UHRF2: variants seen among roughly 807,000 people sequenced by gnomAD.
UHRF2 encodes ubiquitin like with PHD and ring finger domains 2, also known as E3 ubiquitin-protein ligase UHRF2.
Under a neutral mutation model 96.8 loss-of-function variants are expected in UHRF2, and 23 were observed. The observed-to-expected ratio is 0.24, with a 90% confidence interval of 0.17 to 0.34. The LOEUF (loss-of-function observed/expected upper bound fraction) is 0.34, where lower values mean the gene tolerates loss of function less well. Among genes scored for constraint, UHRF2 ranks in the 10% least tolerant of loss-of-function variants. The pLI is 1.00. For missense variants in UHRF2, 685 were observed against 981.5 expected, an observed-to-expected ratio of 0.70 and a Z score of 4.04; for synonymous variants, 385 against 332.6, an observed-to-expected ratio of 1.16 and a Z score of -1.72.
chr9:6,485,630 T>C (rs1824224034), intron 8 of UHRF2, among the ~76,000 whole-genome samples: 1 of 115,376 alleles, frequency 8.7e-6, no homozygotes, highest in African/African-American at 3.3e-5. Flanking sequence ...CGCCCCAAAT[T>C]ATTGTGCAAG....
At chr9:6,496,165 C>T (rs1159883599) in intron 10 of UHRF2, 2 of 151,804 alleles carry the variant, frequency 1.3e-5, no homozygotes, top group African/African-American at 4.8e-5. Context: ...TTTTTTTTAA[C>T]TTGAGCCTGC....
chr9:6,485,445 A>T (rs1824208602), intron 8 of UHRF2, among the ~76,000 whole-genome samples: 1 of 151,952 alleles, frequency 6.6e-6, no homozygotes, highest in East Asian at 1.9e-4. Flanking sequence ...GCTATTTAGA[A>T]AGTGGGGAAG....
At chr9:6,424,243 A>G (rs1430145235) in intron 2 of UHRF2, among the ~76,000 whole-genome samples, 1 of 152,264 alleles carries the variant, frequency 6.6e-6, no homozygotes, top group African/African-American at 2.4e-5. Context: ...CTTCAAAGTT[A>G]ACATTGAGCT....
intron 3 of UHRF2, among the ~76,000 whole-genome samples, chr9:6,456,813 T>C (rs1409369765): frequency 6.6e-6 from 1 of 152,216 alleles, no homozygotes; most frequent in East Asian, 1.9e-4. Context: ...TTCTTGTTTT[T>C]GTCAGGATTG....
intron 9 of UHRF2, 91 bp downstream of exon 9, chr9:6,487,016 T>A (rs1824328948): frequency 8.3e-7 from 1 of 1,206,064 alleles, no homozygotes. Context: ...AATACTGTTG[T>A]GTCTTTTTAG....
intron 4 of UHRF2, among the ~76,000 whole-genome samples, chr9:6,471,110 C>A (rs1209550106): frequency 6.6e-6 from 1 of 152,152 alleles, no homozygotes; most frequent in Admixed American, 6.5e-5. Flanking sequence ...TTCAAATCCC[C>A]TTAAATGTCC....
At chr9:6,420,758 C>G (rs568226527) in intron 1 of UHRF2, among the ~76,000 whole-genome samples, 154 bp from the exon 2 acceptor site, 2 of 151,262 alleles carry the variant, frequency 1.3e-5, no homozygotes. Flanking sequence ...AGAGAAGACA[C>G]TGACATCAGA....
rs549536907 is a variant in UHRF2 at position 6,500,818 on chromosome 9, C to T, written c.2163+109C>T. On this transcript the variant is annotated intron_variant, in intron 14 of 15. Transcript: ENST00000276893. ...TCAGTCAAAACTTCATCCTTCTACCCGGTTTTCTAATCCAGTGCCACTACC... is the reference window on the plus strand; with the variant it reads ...TCAGTCAAAACTTCATCCTTCTACCTGGTTTTCTAATCCAGTGCCACTACC... The T allele has an allele frequency of 1.7e-5, 18 of 1,072,512 alleles. No individual in the cohort carries two copies. In the South Asian group the frequency reaches 1.8e-4, roughly 11 times the overall value. The allele number at this position is 1,072,512 out of a possible 1,614,324, so 66.4% of individuals were successfully genotyped here.
intron 13 of UHRF2, 35 bp downstream of exon 13, chr9:6,499,966 C>A: frequency 6.8e-7 from 1 of 1,480,560 alleles, no homozygotes. Context: ...ATAATAATAA[C>A]ATACTTTTGT....
chr9:6,427,786 A>G (rs1023352880), intron 2 of UHRF2, among the ~76,000 whole-genome samples: 34 of 152,200 alleles, frequency 2.2e-4, no homozygotes, highest in African/African-American at 8.0e-4. Flanking sequence ...ATATTTTCAT[A>G]TGTTATTGCA....
At chr9:6,455,595 G>A (rs1245291459) in intron 3 of UHRF2, among the ~76,000 whole-genome samples, 2 of 152,154 alleles carry the variant, frequency 1.3e-5, no homozygotes, top group Admixed American at 1.3e-4. Flanking sequence ...GCTGCAGTGA[G>A]CATACTTGAG....
At chr9:6,477,601 C>A (rs1202941146) in intron 5 of UHRF2, 21 bp from the exon 6 acceptor site, 3 of 1,574,096 alleles carry the variant, frequency 1.9e-6, no homozygotes, top group Non-Finnish European at 2.6e-6. Flanking sequence ...ACTAGACTTG[C>A]TATAATTTTG....
intron 13 of UHRF2, among the ~76,000 whole-genome samples, chr9:6,500,293 A>G (rs1223895109): frequency 6.6e-6 from 1 of 152,222 alleles, no homozygotes; most frequent in Non-Finnish European, 1.5e-5. Context: ...AAAGAGAAAT[A>G]TTAAGAAAAT....
At chr9:6,487,188 T>TATTTTTTATTTTTA (rs1563799260) in intron 9 of UHRF2, among the ~76,000 whole-genome samples, 1 of 125,804 alleles carries the variant, frequency 7.9e-6, no homozygotes, top group African/African-American at 3.2e-5. Context: ...TTTCCTTTTT[T>TATTTTTTATTTTTA]TTTTTTTTTT....
intron 3 of UHRF2, among the ~76,000 whole-genome samples, chr9:6,453,748 CA>C (rs1373983598): frequency 1.3e-5 from 2 of 151,778 alleles, no homozygotes; most frequent in African/African-American, 2.4e-5. Context: ...ACTAAAAATA[CA>C]AAAAAACCAA....
chr9:6,468,330 A>G, intron 4 of UHRF2: 1 of 412,344 alleles, frequency 2.4e-6, no homozygotes, highest in Non-Finnish European at 4.9e-6. Context: ...AAAGTAGTAC[A>G]TGGAAAGCAC....
chr9:6,414,986 G>T (rs1819506343), intron 1 of UHRF2, among the ~76,000 whole-genome samples: 1 of 152,192 alleles, frequency 6.6e-6, no homozygotes, highest in African/African-American at 2.4e-5. Flanking sequence ...TTGCTTTGCT[G>T]TGCCTCAAGT....
chr9:6,504,492 ATTATTCTCTACTAGC>A (rs1816481663), intron 14 of UHRF2, 86 bp from the exon 15 acceptor site: 1 of 677,188 alleles, frequency 1.5e-6, no homozygotes, highest in African/African-American at 1.8e-5. Context: ...GAACATTTGA[ATTATTCTCTACTAGC>A]TGTTTTGAAA....
chr9:6,482,697 C>T lies in UHRF2; in HGVS notation c.1392+598C>T, dbSNP rs140669641. ...CTGCAAGCTCTGCCTCGTGGGTTCA[C>T]GCCATTCTCCTGCCTCAGCCTCCAA... On this transcript the variant is annotated intron_variant, in intron 8 of 15. Coordinates refer to ENST00000276893, the MANE Select transcript of UHRF2 (RefSeq NM_152896.3). 8.7e-3 allele frequency among the ~76,000 whole-genome samples: 1,309 copies of T among 151,052 alleles called. 12 individuals are homozygous for T. Among genetic ancestry groups the T allele is most frequent in the African/African-American group, 0.029 (1,197 of 41,142 alleles).
Sources: gnomAD v4.1 joint callset for allele counts (sites outside exome capture counted in the v4.1 genomes callset) on GRCh38, gnomAD v4.1.1 for gene constraint, MANE v1.5 for transcripts, NCBI Gene and HGNC (gene_info 2026-07-23, HGNC 2026-07-21) for gene names.